The following GALNT17 variants were observed in gnomAD, a reference collection of about 807,000 sequenced individuals.
The protein encoded by GALNT17 is polypeptide N-acetylgalactosaminyltransferase 17, also known as UDP-GalNAc:polypeptide N-acetylgalactosaminyltransferase-like 3.
In GALNT17, 29 loss-of-function variants were observed where a neutral mutation model predicts 63.7. The observed-to-expected ratio is 0.46, with a 90% confidence interval of 0.34 to 0.62. The LOEUF is 0.62. GALNT17 is among the 20% of genes least tolerant of loss of function. The probability of loss-of-function intolerance (pLI) is 0.01; values close to 1 mark genes in which losing one functional copy is unlikely to be tolerated. For synonymous variants in GALNT17, 305 were observed against 318.3 expected (o/e 0.96, Z 0.45); for missense variants, 603 against 799.6 (o/e 0.75, Z 2.97).
chr7:71,154,239 G>A (rs1260831180), intron 1 of GALNT17, among the ~76,000 whole-genome samples: 2 of 150,646 alleles, frequency 1.3e-5, no homozygotes, highest in Non-Finnish European at 3.0e-5. Flanking sequence ...AGAGAGAGAT[G>A]CCCAGGGACC....
intron 2 of GALNT17, among the ~76,000 whole-genome samples, chr7:71,385,510 C>G (rs770413476): frequency 6.6e-6 from 1 of 152,180 alleles, no homozygotes; most frequent in Non-Finnish European, 1.5e-5. Flanking sequence ...TTGGCTCCTC[C>G]CTGCCTGGGA....
chr7:71,466,407 TC>T lies in GALNT17; in HGVS notation c.962+45304del, dbSNP rs1255711284. Among the ~76,000 whole-genome samples, 40 of 152,184 alleles carry T rather than the reference TC, an allele frequency of 2.6e-4. 1 individual carries two copies. Among genetic ancestry groups the T allele is most frequent in the African/African-American group, 8.0e-4 (33 of 41,444 alleles). ...TCTTTGTAGCAATAAGGTACCAACT[TC>T]CAACTTCACTCTGGTATAGTATCAC... On this transcript the variant is annotated intron_variant, in intron 5 of 10. Coordinates refer to ENST00000333538, the MANE Select transcript of GALNT17 (RefSeq NM_022479.3).
intron 1 of GALNT17, among the ~76,000 whole-genome samples, chr7:71,246,303 A>T (rs1031727092): frequency 6.6e-6 from 1 of 150,980 alleles, no homozygotes; most frequent in Non-Finnish European, 1.5e-5. Context: ...TTGTATTCTT[A>T]GTAGAGATGG....
At chr7:71,140,427 T>C (rs1787865223) in intron 1 of GALNT17, among the ~76,000 whole-genome samples, 1 of 152,126 alleles carries the variant, frequency 6.6e-6, no homozygotes, top group Non-Finnish European at 1.5e-5. Flanking sequence ...TGGACAGCCC[T>C]CAGATGCAGG....
At chr7:71,507,776 G>C (rs1432091076) in intron 5 of GALNT17, among the ~76,000 whole-genome samples, 4 of 152,142 alleles carry the variant, frequency 2.6e-5, no homozygotes, top group Non-Finnish European at 5.9e-5. Flanking sequence ...GGAAGGAACT[G>C]GGAGGTGTTT....
intron 5 of GALNT17, among the ~76,000 whole-genome samples, chr7:71,547,894 T>C (rs1471136799): frequency 6.6e-6 from 1 of 151,966 alleles, no homozygotes; most frequent in Non-Finnish European, 1.5e-5. Flanking sequence ...ACTAATATTG[T>C]GTGAATCGAT....
chr7:71,295,361 C>T (rs1202703141), intron 1 of GALNT17, among the ~76,000 whole-genome samples: 1 of 152,138 alleles, frequency 6.6e-6, no homozygotes, highest in East Asian at 1.9e-4. Context: ...TTGCCTCTTA[C>T]CTAACAGTTG....
At chr7:71,184,456 C>T (rs921080050) in intron 1 of GALNT17, among the ~76,000 whole-genome samples, 1 of 152,182 alleles carries the variant, frequency 6.6e-6, no homozygotes, top group African/African-American at 2.4e-5. Context: ...CAGAGCCCAT[C>T]TGCTGGCTGA....
chr7:71,344,727 G>A (rs969565133), intron 2 of GALNT17, among the ~76,000 whole-genome samples: 1 of 152,054 alleles, frequency 6.6e-6, no homozygotes. Context: ...TAATAATACA[G>A]CAAGCACTTT....
intron 5 of GALNT17, among the ~76,000 whole-genome samples, chr7:71,456,772 C>T (rs747392909): frequency 2.6e-4 from 39 of 152,158 alleles, no homozygotes; most frequent in Middle Eastern, 6.8e-3. Context: ...GTTTATTTTG[C>T]GAAGGTTCAG....
At chr7:71,704,399 TG>T (rs1791694356) in intron 9 of GALNT17, among the ~76,000 whole-genome samples, 1 of 151,772 alleles carries the variant, frequency 6.6e-6, no homozygotes, top group Middle Eastern at 3.2e-3. Flanking sequence ...CCTGTGTTCA[TG>T]GATTAGAGGA....
intron 1 of GALNT17, among the ~76,000 whole-genome samples, chr7:71,276,601 A>G (rs1346339662): frequency 6.6e-6 from 1 of 152,086 alleles, no homozygotes; most frequent in Admixed American, 6.5e-5. Context: ...CTTGCCTACC[A>G]CCATGTAAGA....
At chr7:71,239,499 A>G (rs1186718882) in intron 1 of GALNT17, among the ~76,000 whole-genome samples, 1 of 152,222 alleles carries the variant, frequency 6.6e-6, no homozygotes, top group Non-Finnish European at 1.5e-5. Context: ...ATGAAATAAA[A>G]AAATACTGTG....
At chr7:71,460,726 G>A (rs1182658009) in intron 5 of GALNT17, among the ~76,000 whole-genome samples, 1 of 152,200 alleles carries the variant, frequency 6.6e-6, no homozygotes, top group Non-Finnish European at 1.5e-5. Flanking sequence ...GTTATTTCTT[G>A]ATGATACGCT....
intron 4 of GALNT17, among the ~76,000 whole-genome samples, chr7:71,418,656 G>A (rs1786596391): frequency 6.6e-6 from 1 of 152,210 alleles, no homozygotes; most frequent in Non-Finnish European, 1.5e-5. Flanking sequence ...AGTTAAATGG[G>A]AATTGGAGAC....
At chr7:71,205,563 C>T (rs746157578) in intron 1 of GALNT17, among the ~76,000 whole-genome samples, 6 of 152,130 alleles carry the variant, frequency 3.9e-5, no homozygotes, top group Admixed American at 6.6e-5. Flanking sequence ...GCTGGGAGTA[C>T]AGGCACGCTC....
intron 1 of GALNT17, among the ~76,000 whole-genome samples, chr7:71,252,598 C>G (rs1222061530): frequency 6.6e-6 from 1 of 152,152 alleles, no homozygotes; most frequent in African/African-American, 2.4e-5. Flanking sequence ...TTTAATGTGA[C>G]TGTGCACACA....
At chr7:71,467,843 A>G (rs1375311777) in intron 5 of GALNT17, among the ~76,000 whole-genome samples, 2 of 152,160 alleles carry the variant, frequency 1.3e-5, no homozygotes, top group East Asian at 3.9e-4. Context: ...TCCATGGATG[A>G]CAGCTGTGGT....
chr7:71,697,139 G>A (rs1443416249), intron 9 of GALNT17, among the ~76,000 whole-genome samples: 1 of 152,184 alleles, frequency 6.6e-6, no homozygotes, highest in East Asian at 1.9e-4. Context: ...GAAAAGGTAA[G>A]TGGGACCATA....
Sources: gnomAD v4.1 joint callset for allele counts (sites outside exome capture counted in the v4.1 genomes callset) on GRCh38, gnomAD v4.1.1 for gene constraint, MANE v1.5 for transcripts, NCBI Gene and HGNC (gene_info 2026-07-23, HGNC 2026-07-21) for gene names.